Variants in RIMBP2 observed in about 807,000 individuals in gnomAD.
RIMBP2 encodes RIMS binding protein 2, also known as RIMS-binding protein 2.
In RIMBP2, 48 loss-of-function variants were observed where a neutral mutation model predicts 118.6. The observed-to-expected ratio is 0.40, with a 90% CI of 0.32 to 0.51. The LOEUF (loss-of-function observed/expected upper bound fraction) is 0.51, where lower values mean the gene tolerates loss of function less well. Ranked by LOEUF, RIMBP2 falls within the 20% of genes least tolerant of loss-of-function variation. RIMBP2 has a pLI of 0.41. For missense variants in RIMBP2, 1,551 were observed against 1,768.3 expected, an observed-to-expected ratio of 0.88 and a Z score of 2.20; for synonymous variants, 762 against 742.9, an observed-to-expected ratio of 1.03 and a Z score of -0.42.
intron 4 of RIMBP2, among the ~76,000 whole-genome samples, chr12:130,491,966 G>A (rs963167382): frequency 6.6e-6 from 1 of 152,180 alleles, no homozygotes; most frequent in African/African-American, 2.4e-5. Flanking sequence ...GATGTGACAC[G>A]GAACGAACGA....
rs1394433649 is a variant in RIMBP2, at chr12:130,581,279, G to T, written c.-217+47043C>A. Among the ~76,000 whole-genome samples the T allele has an allele frequency of 1.3e-5, 2 of 151,460 alleles. No homozygotes were observed. The highest frequency in any genetic ancestry group is 4.9e-5 in the African/African-American group (2 of 40,926). ...CGGGAGTCAGGTTCAAACACAACAG[G>T]GTGGGGGGCGTGGATCTGGTGAGCT... On this transcript the variant is annotated intron_variant, in intron 2 of 22. Transcript: ENST00000690449. The surrounding 1 kb of genome is among the most constrained non-coding windows in gnomAD (Gnocchi z 4.4).
intron 6 of RIMBP2, among the ~76,000 whole-genome samples, chr12:130,459,368 A>G (rs1030204683): frequency 6.6e-6 from 1 of 151,914 alleles, no homozygotes; most frequent in Non-Finnish European, 1.5e-5. Flanking sequence ...CTCCCACGCC[A>G]GCTTCCCGGC....
Position 130,523,076 on chromosome 12 carries a change from G to T in RIMBP2, c.-216-5159C>A, listed in dbSNP as rs1434783013. 6.6e-6 allele frequency among the ~76,000 whole-genome samples: 1 copy of T among 151,272 alleles called. No homozygotes were observed. Among genetic ancestry groups the T allele is most frequent in the Non-Finnish European group, 1.5e-5 (1 of 67,832 alleles). ...TATGTCTCTCTGCCTCTCTGTCTCT[G>T]TCTCCACGTCTCTGTTTCTCTGCTT... On this transcript the variant is annotated intron_variant, in intron 2 of 22. Coordinates refer to ENST00000690449, the MANE Select transcript of RIMBP2 (RefSeq NM_001393629.1). The surrounding 1 kb of genome is among the most constrained non-coding windows in gnomAD (Gnocchi z 4.4).
chr12:130,555,999 T>C (rs562683193), intron 2 of RIMBP2, among the ~76,000 whole-genome samples: 1 of 152,276 alleles, frequency 6.6e-6, no homozygotes, highest in South Asian at 2.1e-4. Flanking sequence ...GGCAACCACA[T>C]GGCATGGCAG....
At chr12:130,705,159 A>C (rs916200357) in intron 1 of RIMBP2, among the ~76,000 whole-genome samples, 72 of 152,174 alleles carry the variant, frequency 4.7e-4, no homozygotes, top group African/African-American at 1.7e-3. Context: ...AGTCACACGG[A>C]TGTGCCTGAA....
chr12:130,462,829 C>T (rs922002187), intron 6 of RIMBP2, among the ~76,000 whole-genome samples: 8 of 152,318 alleles, frequency 5.3e-5, no homozygotes, highest in African/African-American at 1.9e-4. Flanking sequence ...GCACGTGCTC[C>T]GTAAATGCTT....
chr12:130,495,583 AG>A (rs1353248389), intron 4 of RIMBP2, among the ~76,000 whole-genome samples: 1 of 152,184 alleles, frequency 6.6e-6, no homozygotes, highest in East Asian at 1.9e-4. Flanking sequence ...CCCCAGTAGA[AG>A]GTAAGTTTCA....
chr12:130,697,250 A>G (rs2136715172), intron 1 of RIMBP2, among the ~76,000 whole-genome samples: 1 of 152,378 alleles, frequency 6.6e-6, no homozygotes, highest in Admixed American at 6.5e-5. Flanking sequence ...GGCCAGGTGC[A>G]GAGGCTCATG....
In RIMBP2 at chr12:130,409,701, CCT is replaced by C. The variant is rs201243320; in HGVS notation, c.3590-1874_3590-1873del. Among the ~76,000 whole-genome samples, 336 of 152,298 alleles carry C rather than the reference CCT, an allele frequency of 2.2e-3. 10 individuals are homozygous for C. In the East Asian group the frequency reaches 0.055, roughly 25 times the overall value. Reference sequence around the variant, plus strand: ...CTGGATGACGCCTCTGAGATTCACCCCTGTCACTGGCTGTATTAGCAGTGGCT... The same window carrying C: ...CTGGATGACGCCTCTGAGATTCACCCGTCACTGGCTGTATTAGCAGTGGCT... On this transcript the variant is annotated intron_variant, in intron 19 of 22. Transcript: ENST00000690449.
chr12:130,514,397 G>A (rs1417632419), intron 3 of RIMBP2, among the ~76,000 whole-genome samples: 2 of 152,274 alleles, frequency 1.3e-5, no homozygotes, highest in Admixed American at 6.5e-5. Flanking sequence ...TGCACTACCA[G>A]CCATCCAGGA....
chr12:130,652,604 T>G (rs1010298972), intron 1 of RIMBP2, among the ~76,000 whole-genome samples: 3 of 152,204 alleles, frequency 2.0e-5, no homozygotes, highest in African/African-American at 7.2e-5. Context: ...ATATGGAGCA[T>G]CTCAGTGGTC....
rs141083086 is a variant in RIMBP2 at position 130,521,063 on chromosome 12, A to C, written c.-216-3146T>G. On this transcript the variant is annotated intron_variant, in intron 2 of 22. Transcript: ENST00000690449. ...ACCACCCTGACATGCATGTGTTTGC[A>C]GGCCTTGGGGGGGAAATCAGAAAAT... Among the ~76,000 whole-genome samples, 66 of 152,258 alleles carry C rather than the reference A, an allele frequency of 4.3e-4. No homozygotes were observed. The East Asian group carries it at 0.012, about 28-fold the overall frequency.
At chr12:130,607,868 A>T (rs2060281413) in intron 2 of RIMBP2, among the ~76,000 whole-genome samples, 1 of 151,938 alleles carries the variant, frequency 6.6e-6, no homozygotes, top group Non-Finnish European at 1.5e-5. Context: ...TCAGAAATAA[A>T]GGCCATGACT....
At chr12:130,583,322 A>T (rs935534436) in intron 2 of RIMBP2, among the ~76,000 whole-genome samples, 2 of 152,116 alleles carry the variant, frequency 1.3e-5, no homozygotes, top group African/African-American at 2.4e-5. Context: ...AAACTGCCTG[A>T]AAAGGCCCCT....
At chr12:130,478,099 G>A (rs1268259526) in intron 5 of RIMBP2, among the ~76,000 whole-genome samples, 1 of 152,228 alleles carries the variant, frequency 6.6e-6, no homozygotes, top group African/African-American at 2.4e-5. Flanking sequence ...GAGGACTGGA[G>A]TGGGGTGAGG....
intron 2 of RIMBP2, among the ~76,000 whole-genome samples, chr12:130,591,767 G>T (rs1593943178): frequency 2.0e-5 from 3 of 152,206 alleles, no homozygotes; most frequent in East Asian, 3.8e-4. Context: ...CAACTGCAAA[G>T]ACCCTTTTTC....
intron 2 of RIMBP2, among the ~76,000 whole-genome samples, chr12:130,538,683 A>G (rs2054289217): frequency 6.6e-6 from 1 of 152,194 alleles, no homozygotes; most frequent in African/African-American, 2.4e-5. Flanking sequence ...TAGCATTTGC[A>G]TCAATAGAGC....
rs1359285872 is a variant in RIMBP2, at chr12:130,622,290, T to C, written c.-217+6032A>G. Reference sequence around the variant, plus strand: ...TTCCGGGGAACAGAGTCCCCAAACATCACAAGTTTTGCCATCTCTGTGCCC... The same window carrying C: ...TTCCGGGGAACAGAGTCCCCAAACACCACAAGTTTTGCCATCTCTGTGCCC... On this transcript the variant is annotated intron_variant, in intron 2 of 22. Coordinates refer to ENST00000690449, the MANE Select transcript of RIMBP2 (RefSeq NM_001393629.1). The surrounding 1 kb of genome is among the most constrained non-coding windows in gnomAD (Gnocchi z 8.5). 1.3e-5 allele frequency among the ~76,000 whole-genome samples: 2 copies of C among 152,148 alleles called. No homozygotes were observed. Among genetic ancestry groups the C allele is most frequent in the Non-Finnish European group, 2.9e-5 (2 of 68,026 alleles).
intron 2 of RIMBP2, among the ~76,000 whole-genome samples, chr12:130,542,508 A>C (rs1489017093): frequency 2.0e-5 from 3 of 152,246 alleles, no homozygotes; most frequent in Non-Finnish European, 4.4e-5. Context: ...GAAAAAAGAA[A>C]CAGCCAATCA....
Sources: gnomAD v4.1 joint callset for allele counts (sites outside exome capture counted in the v4.1 genomes callset) on GRCh38, gnomAD v4.1.1 for gene constraint, Gnocchi (gnomAD v3.1) non-coding constraint, MANE v1.5 for transcripts, NCBI Gene and HGNC (gene_info 2026-07-23, HGNC 2026-07-21) for gene names.